Variants in DOCK3 observed in about 807,000 individuals in gnomAD.
DOCK3 encodes the protein dedicator of cytokinesis protein 3.
In DOCK3, 60 loss-of-function variants were observed where a neutral mutation model predicts 265.6. That is an observed-to-expected ratio of 0.23 (90% confidence interval 0.18 to 0.28). The LOEUF is 0.28. DOCK3 is among the 10% of genes least tolerant of loss of function. The pLI is 1.00. For missense variants in DOCK3, 1,981 were observed against 2,594.3 expected (o/e 0.76, Z 5.14); for synonymous variants, 881 against 938.0 (o/e 0.94, Z 1.11).
chr3:50,751,155 G>C (rs2675810), intron 1 of DOCK3, among the ~76,000 whole-genome samples: 14,342 of 152,124 alleles, frequency 0.094, 836 homozygotes, highest in Non-Finnish European at 0.12. Flanking sequence ...GTAGTATTAG[G>C]CGATAATAGG....
At chr3:51,275,324 C>A (rs2080753941) in intron 25 of DOCK3, 118 bp downstream of exon 25, 1 of 1,488,154 alleles carries the variant, frequency 6.7e-7, no homozygotes, top group Admixed American at 1.8e-5. Context: ...ATGCTTTCAT[C>A]AGTGACAGGA....
At chr3:51,292,219 A>G (rs945382937) in intron 27 of DOCK3, among the ~76,000 whole-genome samples, 1 of 152,228 alleles carries the variant, frequency 6.6e-6, no homozygotes, top group African/African-American at 2.4e-5. Context: ...TCTGTTCAAC[A>G]CAATACTAAG....
intron 13 of DOCK3, among the ~76,000 whole-genome samples, chr3:51,209,203 C>T (rs1250125548): frequency 6.6e-6 from 1 of 152,134 alleles, no homozygotes; most frequent in Non-Finnish European, 1.5e-5. Flanking sequence ...AAATAAATAC[C>T]TCTATCTCTA....
intron 1 of DOCK3, among the ~76,000 whole-genome samples, chr3:50,749,374 T>C (rs2039646284): frequency 6.6e-6 from 1 of 152,138 alleles, no homozygotes; most frequent in African/African-American, 2.4e-5. Context: ...AAGGATTAAG[T>C]TTCAGGCAAA....
intron 1 of DOCK3, among the ~76,000 whole-genome samples, chr3:50,764,595 C>A: frequency 6.6e-6 from 1 of 152,052 alleles, no homozygotes; most frequent in East Asian, 1.9e-4. Context: ...CTGTTTATAA[C>A]CCTTTCTACT....
chr3:50,693,339 T>G (rs945259070), intron 1 of DOCK3, among the ~76,000 whole-genome samples: 2 of 152,166 alleles, frequency 1.3e-5, no homozygotes, highest in African/African-American at 4.8e-5. Flanking sequence ...CTTAACAATG[T>G]TAAGTCTTCC....
intron 5 of DOCK3, among the ~76,000 whole-genome samples, chr3:50,965,580 C>T (rs1452816397): frequency 5.3e-5 from 8 of 152,048 alleles, no homozygotes; most frequent in Admixed American, 5.2e-4. Context: ...CTAAGGCTTA[C>T]TGAAGAAATA....
At chr3:51,308,264 A>C (rs1031229578) in intron 27 of DOCK3, among the ~76,000 whole-genome samples, 2 of 146,400 alleles carry the variant, frequency 1.4e-5, no homozygotes, top group Non-Finnish European at 3.0e-5. Flanking sequence ...TGTTTCTCGC[A>C]GAGGGGGATT....
At chr3:50,909,322 G>A (rs1035170414) in intron 4 of DOCK3, among the ~76,000 whole-genome samples, 3 of 151,960 alleles carry the variant, frequency 2.0e-5, no homozygotes, top group Admixed American at 6.6e-5. Flanking sequence ...GTTCTTCTGT[G>A]TACTTCAGTG....
chr3:51,358,188 G>A (rs1046422303), intron 46 of DOCK3, 111 bp downstream of exon 46: 15 of 1,091,914 alleles, frequency 1.4e-5, no homozygotes, highest in Middle Eastern at 3.0e-4. Flanking sequence ...GGCAGGGGCC[G>A]GGGTTGGGGA....
intron 2 of DOCK3, among the ~76,000 whole-genome samples, chr3:50,800,463 A>G (rs2043015684): frequency 6.6e-6 from 1 of 151,982 alleles, no homozygotes; most frequent in African/African-American, 2.4e-5. Flanking sequence ...AGGTTTTTAA[A>G]TTTATTGACA....
chr3:50,908,680 G>T (rs2049681505), intron 4 of DOCK3, among the ~76,000 whole-genome samples: 1 of 152,142 alleles, frequency 6.6e-6, no homozygotes, highest in South Asian at 2.1e-4. Context: ...GCAATCAGAA[G>T]AATGTATATC....
intron 14 of DOCK3, among the ~76,000 whole-genome samples, chr3:51,217,773 T>C (rs1301682864): frequency 1.3e-5 from 2 of 152,146 alleles, no homozygotes; most frequent in Non-Finnish European, 2.9e-5. Flanking sequence ...TAATAAAACT[T>C]TAAAGAAAAC....
At chr3:51,131,197 T>C (rs186465405) in intron 9 of DOCK3, among the ~76,000 whole-genome samples, 55 of 152,178 alleles carry the variant, frequency 3.6e-4, no homozygotes, top group Admixed American at 1.6e-3. Context: ...CTCAGTCAGA[T>C]GACCCACTGT....
intron 22 of DOCK3, among the ~76,000 whole-genome samples, chr3:51,255,057 G>A (rs916603346): frequency 8.5e-5 from 13 of 152,188 alleles, no homozygotes; most frequent in Non-Finnish European, 1.0e-4. Context: ...TGTAAGGCAG[G>A]CCTGGTGGTG....
intron 32 of DOCK3, among the ~76,000 whole-genome samples, chr3:51,324,214 A>G (rs1200778810): frequency 1.3e-5 from 2 of 152,254 alleles, no homozygotes; most frequent in African/African-American, 2.4e-5. Context: ...GCTGATAAGC[A>G]ACTTCAGCAA....
At chr3:50,691,301 A>G (rs962324268) in intron 1 of DOCK3, among the ~76,000 whole-genome samples, 2 of 151,402 alleles carry the variant, frequency 1.3e-5, no homozygotes, top group Admixed American at 1.3e-4. Flanking sequence ...AAAAAAAAAA[A>G]GTAATCATAC....
At chr3:50,971,152 G>A (rs925074102) in intron 5 of DOCK3, among the ~76,000 whole-genome samples, 33 of 150,444 alleles carry the variant, frequency 2.2e-4, no homozygotes, top group African/African-American at 7.6e-4. Flanking sequence ...TTTAAAATCA[G>A]TTTTGAAATC....
At chr3:51,063,530 T>C (rs1402652906) in intron 5 of DOCK3, among the ~76,000 whole-genome samples, 1 of 152,210 alleles carries the variant, frequency 6.6e-6, no homozygotes, top group East Asian at 1.9e-4. Context: ...TTGGCAAACA[T>C]CTTTTTTAGG....
Sources: allele counts gnomAD v4.1 joint callset (sites outside exome capture counted in the v4.1 genomes callset), GRCh38; gene constraint gnomAD v4.1.1; transcripts MANE v1.5; gene names NCBI Gene and HGNC (gene_info 2026-07-23, HGNC 2026-07-21).